Variants in TTC3 observed in about 807,000 individuals in gnomAD.
TTC3 encodes the protein E3 ubiquitin-protein ligase TTC3.
A neutral mutation model predicts 249.6 loss-of-function variants in TTC3; 180 were observed. That is an observed-to-expected ratio of 0.72 (90% CI 0.64 to 0.82). TTC3 has a LOEUF of 0.82. Ranked by LOEUF, TTC3 falls within the 40% of genes least tolerant of loss-of-function variation. TTC3 has a pLI of 0.00. For missense variants in TTC3, 2,061 were observed against 2,398.4 expected (o/e 0.86, Z 2.94); for synonymous variants, 717 against 805.0 (o/e 0.89, Z 1.85).
At chr21:37,198,255 A>G (rs1482338612) in intron 44 of TTC3, among the ~76,000 whole-genome samples, 1 of 152,236 alleles carries the variant, frequency 6.6e-6, no homozygotes, top group Admixed American at 6.5e-5. Flanking sequence ...GCCCCTGCAC[A>G]TGAGTGACAA....
chr21:37,155,969 T>A (rs2835634), intron 27 of TTC3, among the ~76,000 whole-genome samples: 80,992 of 151,818 alleles, frequency 0.53, 22,251 homozygotes, highest in African/African-American at 0.64. Flanking sequence ...ATATAAAGAA[T>A]CATAAAATCT....
rs779721709 is a variant in TTC3 at position 37,116,500 on chromosome 21, TA to T, written c.901-5316del. On this transcript the variant is annotated intron_variant, in intron 11 of 45. Coordinates refer to ENST00000355666, the Ensembl canonical transcript of TTC3. ...TCTGTATTTTCCTAAATTATAAAAATATTTTTTTTTTAAGTGAAGCTTTAGA... is the reference window on the plus strand; with the variant it reads ...TCTGTATTTTCCTAAATTATAAAAATTTTTTTTTTTAAGTGAAGCTTTAGA... Among the ~76,000 whole-genome samples the T allele has an allele frequency of 5.6e-3, 852 of 152,230 alleles. 4 individuals are homozygous for T. The Middle Eastern group carries it at 0.065, about 12-fold the overall frequency.
chr21:37,169,409 G>T (rs1470990429), intron 34 of TTC3, among the ~76,000 whole-genome samples: 1 of 152,114 alleles, frequency 6.6e-6, no homozygotes, highest in Non-Finnish European at 1.5e-5. Flanking sequence ...AGCCAGGTGT[G>T]GTAGCTTACC....
intron 25 of TTC3, among the ~76,000 whole-genome samples, chr21:37,151,381 T>C (rs2079450543): frequency 6.6e-6 from 1 of 152,136 alleles, no homozygotes; most frequent in Admixed American, 6.5e-5. Flanking sequence ...TTCTTTTTGG[T>C]CCTGCTTCTT....
At chr21:37,192,707 G>A (rs144540611) in intron 41 of TTC3, among the ~76,000 whole-genome samples, 72 of 152,270 alleles carry the variant, frequency 4.7e-4, no homozygotes, top group African/African-American at 1.5e-3. Context: ...CAGAATAAAA[G>A]CTGCTATGCC....
At chr21:37,089,043 C>T (rs923124424) in intron 5 of TTC3, among the ~76,000 whole-genome samples, 157 bp downstream of exon 5, 7 of 152,148 alleles carry the variant, frequency 4.6e-5, no homozygotes, top group African/African-American at 1.7e-4. Flanking sequence ...AGTGCGTGCT[C>T]AGTATTTGAG....
chr21:37,100,152 T>TG (rs2074334890), intron 10 of TTC3, among the ~76,000 whole-genome samples: 1 of 151,504 alleles, frequency 6.6e-6, no homozygotes, highest in Non-Finnish European at 1.5e-5. Flanking sequence ...TTGGGAGGGG[T>TG]GGTACACGGT....
chr21:37,084,178 A>G (rs2072083918), intron 1 of TTC3: 1 of 152,182 alleles, frequency 6.6e-6, no homozygotes, highest in Non-Finnish European at 1.5e-5. Flanking sequence ...GTGAGAAGAA[A>G]AGAGAGTTGA....
intron 44 of TTC3, 93 bp from the exon 45 acceptor site, chr21:37,200,139 C>A: frequency 3.5e-6 from 4 of 1,146,582 alleles, no homozygotes; most frequent in Admixed American, 5.1e-5. Flanking sequence ...CCCTTTGTGG[C>A]AGAAGATGTT....
chr21:37,190,302 A>C (rs1300694292), intron 39 of TTC3, among the ~76,000 whole-genome samples: 2 of 150,938 alleles, frequency 1.3e-5, no homozygotes, highest in South Asian at 4.2e-4. Context: ...CGCCAGGCTG[A>C]TTTTTGTATT....
exon 33 of TTC3, chr21:37,166,017 A>T (rs61998236): frequency 6.2e-7 from 1 of 1,614,036 alleles, no homozygotes; most frequent in African/African-American, 1.3e-5. Context: ...GTTTCTGAGG[A>T]TGGGCAACCC....
At chr21:37,098,056 C>A in intron 10 of TTC3, 1 of 638,950 alleles carries the variant, frequency 1.6e-6, no homozygotes, top group Non-Finnish European at 2.9e-6. Flanking sequence ...CGTGGATAAA[C>A]CGAGGCTATC....
chr21:37,192,119 T>C, exon 41 of TTC3: 1 of 1,597,168 alleles, frequency 6.3e-7, no homozygotes, highest in Non-Finnish European at 8.5e-7. Context: ...CAGTCTCAGT[T>C]TGAAGAACAA....
chr21:37,128,161 C>G (rs1239604559), intron 15 of TTC3, among the ~76,000 whole-genome samples: 1 of 152,214 alleles, frequency 6.6e-6, no homozygotes, highest in Non-Finnish European at 1.5e-5. Context: ...AGCCCAGGCT[C>G]TCATTCCCTC....
At chr21:37,202,344 G>T (rs570137245) in exon 46 of TTC3, 1 of 152,204 alleles carries the variant, frequency 6.6e-6, no homozygotes, top group South Asian at 2.1e-4. Context: ...CCAGCCCCCG[G>T]TTGGAGCCTG....
At chr21:37,183,307 C>A (rs896470632) in intron 36 of TTC3, among the ~76,000 whole-genome samples, 3 of 152,104 alleles carry the variant, frequency 2.0e-5, no homozygotes, top group African/African-American at 7.2e-5. Context: ...TTACTTTTAT[C>A]CTGAATCTAT....
At chr21:37,185,615 G>A (rs2083172389) in intron 36 of TTC3, 91 bp from the exon 37 acceptor site, 3 of 588,826 alleles carry the variant, frequency 5.1e-6, no homozygotes, top group Admixed American at 3.6e-5. Flanking sequence ...ATCAAGAAAT[G>A]TTTTTAAGGA....
chr21:37,146,933 G>A (rs1030264938), intron 21 of TTC3, among the ~76,000 whole-genome samples: 26 of 152,178 alleles, frequency 1.7e-4, no homozygotes, highest in African/African-American at 5.8e-4. Flanking sequence ...TAGAGGCATA[G>A]GAGCTATTGA....
At chr21:37,143,136 A>G (rs1335184024) in intron 20 of TTC3, among the ~76,000 whole-genome samples, 1 of 152,248 alleles carries the variant, frequency 6.6e-6, no homozygotes, top group East Asian at 1.9e-4. Flanking sequence ...CTAAAACCAT[A>G]AAAACCCTAG....
Sources: gnomAD v4.1 joint callset for allele counts (sites outside exome capture counted in the v4.1 genomes callset) on GRCh38, gnomAD v4.1.1 for gene constraint, MANE v1.5 for transcripts, NCBI Gene and HGNC (gene_info 2026-07-23, HGNC 2026-07-21) for gene names.